Variants in RPGRIP1L observed in about 807,000 individuals in gnomAD.
RPGRIP1L encodes RPGRIP1 like, also known as protein fantom.
In RPGRIP1L, 131 loss-of-function variants were observed where a neutral mutation model predicts 160.4. The ratio of observed to expected loss-of-function variants is 0.82; its 90% CI spans 0.71 to 0.94. The LOEUF (loss-of-function observed/expected upper bound fraction) is 0.94, where lower values mean the gene tolerates loss of function less well. RPGRIP1L is among the 40% of genes least tolerant of loss of function. RPGRIP1L has a pLI of 0.00. For synonymous variants in RPGRIP1L, 510 were observed against 515.8 expected, an observed-to-expected ratio of 0.99 and a Z score of 0.15; for missense variants, 1,522 against 1,535.8, an observed-to-expected ratio of 0.99 and a Z score of 0.15.
intron 22 of RPGRIP1L, among the ~76,000 whole-genome samples, chr16:53,627,740 T>A (rs578108036): frequency 2.6e-5 from 4 of 152,338 alleles, no homozygotes; most frequent in East Asian, 1.9e-4. Flanking sequence ...TCTGTTTTTT[T>A]ATACTCAATA....
intron 14 of RPGRIP1L, 29 bp downstream of exon 14, chr16:53,656,443 T>C (rs1967261264): frequency 1.4e-6 from 2 of 1,394,310 alleles, no homozygotes; most frequent in African/African-American, 1.4e-5. Flanking sequence ...CTCTAGTTAC[T>C]GTGGACCAAA....
intron 8 of RPGRIP1L, among the ~76,000 whole-genome samples, chr16:53,672,427 A>G (rs1968813284): frequency 6.6e-6 from 1 of 152,200 alleles, no homozygotes; most frequent in Non-Finnish European, 1.5e-5. Flanking sequence ...CGATAATAGG[A>G]AGATGAGTTT....
chr16:53,658,551 C>T, intron 11 of RPGRIP1L, 87 bp from the exon 12 acceptor site: 1 of 1,084,256 alleles, frequency 9.2e-7, no homozygotes. Context: ...CCCCATGAAA[C>T]ATAAACTGAC....
In RPGRIP1L at chr16:53,657,551, T is replaced by G. The variant is rs781046784; in HGVS notation, c.1483A>C (p.Met495Leu). The G allele has an allele frequency of 3.1e-6, 5 of 1,603,856 alleles. No homozygotes were observed. In the African/African-American group the frequency reaches 6.7e-5, roughly 21 times the overall value. ...GCATGAGTTGCTTGCAGCTCTCTCA[T>G]AGAGCGTTCTAGATCTTTATTAATT... Reference protein sequence around the residue: ...SEINKDLERSMRELQATHAET... With the variant: ...SEINKDLERSLRELQATHAET... Residue 495 changes from methionine to leucine, a missense_variant, in exon 13 of 27, where the codon ATG becomes CTG. Coordinates refer to ENST00000647211, the MANE Select transcript of RPGRIP1L (RefSeq NM_015272.5).
chr16:53,673,169 T>C (rs1189574759), intron 7 of RPGRIP1L, among the ~76,000 whole-genome samples, 153 bp from the exon 8 acceptor site: 3 of 152,212 alleles, frequency 2.0e-5, no homozygotes, highest in Non-Finnish European at 2.9e-5. Flanking sequence ...AAATGATGTA[T>C]ACGTGCTACT....
At chr16:53,686,681 A>T in intron 5 of RPGRIP1L, 105 bp from the exon 6 acceptor site, 2 of 1,198,860 alleles carry the variant, frequency 1.7e-6, no homozygotes, top group Non-Finnish European at 2.4e-6. Flanking sequence ...AGCAGAAGTT[A>T]AAAAATTTAG....
rs554976951 is a variant in RPGRIP1L, at chr16:53,676,030, G to A, written c.777-908C>T. On this transcript the variant is annotated intron_variant, in intron 6 of 26. Coordinates refer to ENST00000647211, the MANE Select transcript of RPGRIP1L (RefSeq NM_015272.5). ...TTAAAATCAGAGTTCAATATTTAAAGTAAGAGATTTTACTTTTAAAACTTA... is the reference window on the plus strand; with the variant it reads ...TTAAAATCAGAGTTCAATATTTAAAATAAGAGATTTTACTTTTAAAACTTA... 2.0e-5 allele frequency among the ~76,000 whole-genome samples: 3 copies of A among 152,152 alleles called. No homozygotes were observed. In the East Asian group the frequency reaches 5.8e-4, roughly 29 times the overall value.
chr16:53,610,922 C>G (rs745387646), intron 25 of RPGRIP1L, 45 bp downstream of exon 25: 11 of 1,413,482 alleles, frequency 7.8e-6, no homozygotes, highest in Non-Finnish European at 1.1e-5. Flanking sequence ...CTACAGAGAT[C>G]TACTTTATGT....
chr16:53,642,498 G>T (rs1017319224), intron 17 of RPGRIP1L, among the ~76,000 whole-genome samples: 1 of 151,192 alleles, frequency 6.6e-6, no homozygotes, highest in African/African-American at 2.4e-5. Context: ...TAGAACATGA[G>T]GTGATAAACT....
chr16:53,654,985 C>T (rs1026946511), intron 14 of RPGRIP1L, among the ~76,000 whole-genome samples: 2 of 152,174 alleles, frequency 1.3e-5, no homozygotes, highest in African/African-American at 4.8e-5. Context: ...CCCTGATGGT[C>T]TCTGAAACCA....
intron 25 of RPGRIP1L, among the ~76,000 whole-genome samples, chr16:53,610,427 T>C (rs1963955113): frequency 6.6e-6 from 1 of 152,206 alleles, no homozygotes; most frequent in Admixed American, 6.5e-5. Context: ...TGTCACTACT[T>C]ACAATGATTG....
At chr16:53,617,939 A>G (rs1964480522) in intron 24 of RPGRIP1L, among the ~76,000 whole-genome samples, 1 of 152,232 alleles carries the variant, frequency 6.6e-6, no homozygotes, top group African/African-American at 2.4e-5. Flanking sequence ...TTTGCTAAAA[A>G]TAACACAACA....
intron 6 of RPGRIP1L, among the ~76,000 whole-genome samples, chr16:53,676,524 T>C (rs1969185051): frequency 6.6e-6 from 1 of 152,180 alleles, no homozygotes; most frequent in Non-Finnish European, 1.5e-5. Flanking sequence ...CAGCAGTGAA[T>C]GACATTTATT....
rs1671562327 is a variant in RPGRIP1L, at chr16:53,598,523, T to A, written c.*3553A>T. On this transcript the variant is annotated 3_prime_UTR_variant, in exon 27 of 27. Transcript: ENST00000647211. ...AAATGGAAGTGAAAATTCTACCTTG[T>A]AAGATAAAAGAGATTAGGATGAGGA... The A allele has an allele frequency of 1.3e-5, 2 of 152,234 alleles. No homozygotes were observed. The highest frequency in any genetic ancestry group is 4.8e-5 in the African/African-American group (2 of 41,456). 9.4% of individuals were successfully genotyped at this position (152,234 alleles called of 1,614,324 possible). A position where few individuals can be genotyped will look rare whatever the true frequency, so the allele number is the denominator to read the frequency against.
chr16:53,626,540 C>CA (rs1965191011), intron 22 of RPGRIP1L, among the ~76,000 whole-genome samples: 1 of 152,160 alleles, frequency 6.6e-6, no homozygotes, highest in Non-Finnish European at 1.5e-5. Flanking sequence ...CGTGGGGACT[C>CA]ACGCCTGTAA....
Position 53,652,728 on chromosome 16 carries a change from G to C in RPGRIP1L, c.1959C>G (p.Pro653=). The change falls in exon 15 of 27, where the codon CCC becomes CCG. Residue 653 remains proline, a synonymous_variant. Coordinates refer to ENST00000647211, the MANE Select transcript of RPGRIP1L (RefSeq NM_015272.5). ...GATATTGAGAAGTGAAGTTATATTC[G>C]GGATGAAGGCCTCGCACTACGGGAG... ...QTTPVVRGLH[P]EYNFTSQYLV... 6.2e-7 allele frequency: 1 copy of C among 1,614,012 alleles called. No individual in the cohort carries two copies. The highest frequency in any genetic ancestry group is 8.5e-7 in the Non-Finnish European group (1 of 1,179,982).
At chr16:53,640,958 G>C in intron 19 of RPGRIP1L, 75 bp downstream of exon 19, 1 of 1,001,356 alleles carries the variant, frequency 1.0e-6, no homozygotes, top group Non-Finnish European at 1.6e-6. Context: ...AATCAGGTAG[G>C]GAATAATATG....
At chr16:53,612,133 G>A (rs758037585) in intron 24 of RPGRIP1L, among the ~76,000 whole-genome samples, 1 of 152,124 alleles carries the variant, frequency 6.6e-6, no homozygotes, top group Non-Finnish European at 1.5e-5. Context: ...GGCACAAGGC[G>A]GGAGAGACAT....
chr16:53,683,687 A>G (rs2151302786), intron 6 of RPGRIP1L, among the ~76,000 whole-genome samples: 1 of 146,122 alleles, frequency 6.8e-6, no homozygotes, highest in Non-Finnish European at 1.5e-5. Flanking sequence ...GAGTACACTT[A>G]GTTCAAAAAA....
Sources: gnomAD v4.1 joint callset for allele counts (sites outside exome capture counted in the v4.1 genomes callset) on GRCh38, gnomAD v4.1.1 for gene constraint, MANE v1.5 for transcripts, NCBI Gene and HGNC (gene_info 2026-07-23, HGNC 2026-07-21) for gene names.